ERCC6: variants seen among roughly 807,000 people sequenced by gnomAD.
The protein encoded by ERCC6 is ERCC excision repair 6, chromatin remodeling factor, also known as DNA excision repair protein ERCC-6.
Under a neutral mutation model 158.7 loss-of-function variants are expected in ERCC6, and 116 were observed. The observed-to-expected ratio is 0.73, with a 90% CI of 0.63 to 0.85. ERCC6 has a LOEUF of 0.85. Ranked by LOEUF, ERCC6 falls within the 40% of genes least tolerant of loss-of-function variation. The pLI, the probability that ERCC6 is intolerant of heterozygous loss-of-function variation, is 0.00. For synonymous variants in ERCC6, 678 were observed against 659.3 expected, an observed-to-expected ratio of 1.03 and a Z score of -0.43; for missense variants, 1,698 against 1,799.4, an observed-to-expected ratio of 0.94 and a Z score of 1.02.
intron 3 of ERCC6, among the ~76,000 whole-genome samples, chr10:49,529,640 A>G (rs1837422926): frequency 6.6e-6 from 1 of 152,150 alleles, no homozygotes. Context: ...TGGTGAGTGG[A>G]AAGTATAATA....
chr10:49,437,730 A>AGT, the ERCC6 span, among the ~76,000 whole-genome samples: 3 of 152,268 alleles, frequency 2.0e-5, no homozygotes, highest in East Asian at 5.8e-4. Context: ...TTAACAACAG[A>AGT]GTAATCAAAT....
intron 1 of ERCC6, among the ~76,000 whole-genome samples, chr10:49,533,710 G>A (rs1837526864): frequency 1.3e-5 from 2 of 152,208 alleles, no homozygotes; most frequent in Non-Finnish European, 2.9e-5. Context: ...GGCTGAGGCA[G>A]GAGGATCACT....
intron 18 of ERCC6, 105 bp from the exon 19 acceptor site, chr10:49,461,661 T>C (rs1850586296): frequency 4.7e-6 from 5 of 1,072,632 alleles, no homozygotes; most frequent in Non-Finnish European, 6.9e-6. Context: ...AACAAAGTGA[T>C]AGTACACTTA....
At chr10:49,496,152 C>G (rs546518461) in intron 7 of ERCC6, among the ~76,000 whole-genome samples, 3 of 152,272 alleles carry the variant, frequency 2.0e-5, no homozygotes, top group South Asian at 4.1e-4. Context: ...CTACCTTCTA[C>G]TCAACATTCA....
chr10:49,519,976 A>AC (rs766791061), intron 5 of ERCC6, among the ~76,000 whole-genome samples: 1 of 151,948 alleles, frequency 6.6e-6, no homozygotes, highest in African/African-American at 2.4e-5. Context: ...TGACACACAC[A>AC]CCCCACAAGA....
At chr10:49,485,282 AGTG>A (rs1851057577) in intron 8 of ERCC6, among the ~76,000 whole-genome samples, 1 of 152,218 alleles carries the variant, frequency 6.6e-6, no homozygotes, top group South Asian at 2.1e-4. Flanking sequence ...GCAGCTGCTA[AGTG>A]GTGGAGTCAG....
At chr10:49,507,790 A>C (rs1851468918) in intron 5 of ERCC6, among the ~76,000 whole-genome samples, 1 of 152,144 alleles carries the variant, frequency 6.6e-6, no homozygotes, top group Non-Finnish European at 1.5e-5. Context: ...GCTGCTAAAC[A>C]TCCTACACCA....
rs758573063 is a variant in ERCC6 at position 49,530,692 on chromosome 10, T to C, written c.543+28A>G. ...CCCTAAATGATGACTTTTTCAAAAA[T>C]GCAATACTGAATGTTATTCTGAATC... On this transcript the variant is annotated intron_variant, in intron 3 of 20. Transcript: ENST00000355832. The C allele has an allele frequency of 3.7e-6, 6 of 1,610,224 alleles. No homozygotes were observed. In the African/African-American group the frequency reaches 4.0e-5, roughly 11 times the overall value.
intron 5 of ERCC6, chr10:49,515,338 C>G (rs769902302): frequency 2.5e-6 from 4 of 1,605,948 alleles, no homozygotes; most frequent in East Asian, 4.5e-5. Flanking sequence ...ACCTGCTATT[C>G]AGTGTGATAT....
At chr10:49,516,701 T>C (rs1332039557) in intron 5 of ERCC6, 5 of 1,614,194 alleles carry the variant, frequency 3.1e-6, no homozygotes, top group Middle Eastern at 1.6e-4. Context: ...GAGTTCTCAT[T>C]ACGGTGAAGA....
intron 10 of ERCC6, 77 bp from the exon 11 acceptor site, chr10:49,478,547 C>T (rs1850919791): frequency 1.2e-6 from 1 of 850,552 alleles, no homozygotes; most frequent in Non-Finnish European, 2.0e-6. Context: ...CAATTGCTTC[C>T]ATTCCTTAAA....
downstream of ERCC6, among the ~76,000 whole-genome samples, chr10:49,452,908 C>A (rs189017004): frequency 6.6e-6 from 1 of 152,128 alleles, no homozygotes; most frequent in African/African-American, 2.4e-5. Context: ...CAATTGTTTG[C>A]ACTATTTCTT....
At position 49,522,310 on chromosome 10, in the gene ERCC6, A is replaced by C. The variant is rs994720281; in HGVS notation, c.1397+1723T>G. On this transcript the variant is annotated intron_variant, in intron 5 of 20. Coordinates refer to ENST00000355832, the MANE Select transcript of ERCC6 (RefSeq NM_000124.4). ...TATGCTTCTCAATCCTGAGCATTTT[A>C]TTTTCTTTCATCCCCCAAACCAAAC... Among the ~76,000 whole-genome samples, 5 of 152,276 alleles carry C rather than the reference A, an allele frequency of 3.3e-5. No homozygotes were observed. The South Asian group carries it at 1.0e-3, about 32-fold the overall frequency.
intron 18 of ERCC6, among the ~76,000 whole-genome samples, chr10:49,465,319 C>A (rs553468305): frequency 2.0e-5 from 3 of 152,316 alleles, no homozygotes; most frequent in African/African-American, 7.2e-5. Context: ...TGTACTTACC[C>A]AATGCCTGTA....
intron 18 of ERCC6, among the ~76,000 whole-genome samples, chr10:49,464,052 T>C (rs1850628714): frequency 6.6e-6 from 1 of 152,034 alleles, no homozygotes; most frequent in Admixed American, 6.6e-5. Context: ...TGGGAACAGT[T>C]TGGAGGGCTC....
chr10:49,469,472 C>T lies in ERCC6; in HGVS notation c.3778+710G>A, dbSNP rs185682852. Among the ~76,000 whole-genome samples, 77 of 152,104 alleles carry T rather than the reference C, an allele frequency of 5.1e-4. 1 individual carries two copies. The highest frequency in any genetic ancestry group is 7.4e-4 in the Non-Finnish European group (50 of 67,976). On this transcript the variant is annotated intron_variant, in intron 18 of 20. Transcript: ENST00000355832. ...AGATAAAGGATATAGGAGAGTTCTT[C>T]GTATTATTCCAACTGATTTTTTTTT...
rs4253212 is a variant in ERCC6 at position 49,470,166 on chromosome 10, G to A, written c.3778+16C>T. ...TAATCCTAGCATCCCTGTGGCAAAC[G>A]TATCAAATGGATTACCTGATTTTTT... On this transcript the variant is annotated intron_variant, in intron 18 of 20. Coordinates refer to ENST00000355832, the MANE Select transcript of ERCC6 (RefSeq NM_000124.4). The A allele has an allele frequency of 3.4e-3, 5,498 of 1,610,482 alleles. 225 individuals are homozygous for A. In the East Asian group the frequency reaches 0.087, roughly 25 times the overall value.
chr10:49,531,210 A>G (rs767580819), intron 2 of ERCC6, among the ~76,000 whole-genome samples: 2 of 152,198 alleles, frequency 1.3e-5, no homozygotes, highest in Non-Finnish European at 2.9e-5. Flanking sequence ...TAAGCCCGTT[A>G]CGGAAGCCTT....
chr10:49,499,679 T>C (rs1851324374), intron 7 of ERCC6, among the ~76,000 whole-genome samples: 1 of 152,182 alleles, frequency 6.6e-6, no homozygotes, highest in South Asian at 2.1e-4. Context: ...CGACCAATAT[T>C]TTTACCAATA....
Sources: gnomAD v4.1 joint callset for allele counts (sites outside exome capture counted in the v4.1 genomes callset) on GRCh38, gnomAD v4.1.1 for gene constraint, MANE v1.5 for transcripts, NCBI Gene and HGNC (gene_info 2026-07-23, HGNC 2026-07-21) for gene names.